PKHD1: variants seen among roughly 807,000 people sequenced by gnomAD.
The protein encoded by PKHD1 is PKHD1 ciliary IPT domain containing fibrocystin/polyductin, also known as fibrocystin.
Under a neutral mutation model 412.0 loss-of-function variants are expected in PKHD1, and 291 were observed. The observed-to-expected ratio is 0.71, with a 90% CI of 0.64 to 0.78. The LOEUF (loss-of-function observed/expected upper bound fraction) is 0.78. Among genes scored for constraint, PKHD1 ranks in the 30% least tolerant of loss-of-function variants. PKHD1 has a pLI of 0.00. For missense variants in PKHD1, 4,825 were observed against 4,950.7 expected (o/e 0.97, Z 0.76); for synonymous variants, 1,777 against 1,821.5 (o/e 0.98, Z 0.62).
chr6:51,741,253 A>G (rs1784514336), intron 60 of PKHD1: 6 of 514,418 alleles, frequency 1.2e-5, no homozygotes, highest in Admixed American at 2.0e-5. Flanking sequence ...TAGAGTTTCT[A>G]TTTGTAAGGG....
At chr6:52,035,478 T>G in intron 28 of PKHD1, 113 bp downstream of exon 28, 1 of 1,064,782 alleles carries the variant, frequency 9.4e-7, no homozygotes, top group Non-Finnish European at 1.5e-6. Context: ...CATACTATCA[T>G]AATGAGAAGT....
At chr6:51,853,104 G>A (rs1772608768) in intron 49 of PKHD1, among the ~76,000 whole-genome samples, 1 of 152,042 alleles carries the variant, frequency 6.6e-6, no homozygotes. Flanking sequence ...CAGGTCTGGT[G>A]GTAACGAAAT....
intron 22 of PKHD1, among the ~76,000 whole-genome samples, chr6:52,049,341 A>G (rs1806386518): frequency 6.6e-6 from 1 of 152,222 alleles, no homozygotes; most frequent in African/African-American, 2.4e-5. Flanking sequence ...CTACAGTAAA[A>G]ATATGGTAGT....
intron 50 of PKHD1, among the ~76,000 whole-genome samples, chr6:51,845,702 C>A (rs980348058): frequency 6.6e-6 from 1 of 152,174 alleles, no homozygotes; most frequent in Non-Finnish European, 1.5e-5. Flanking sequence ...ATTCACACAG[C>A]TACTTACACA....
rs199736501 is a variant in PKHD1 at position 52,058,332 on chromosome 6, T to C, written c.1503A>G (p.Pro501=). 13 of 1,614,172 alleles carry C rather than the reference T, an allele frequency of 8.1e-6. No homozygotes were observed. The highest frequency in any genetic ancestry group is 1.1e-5 in the Non-Finnish European group (13 of 1,180,008). The change falls in exon 16 of 67, where the codon CCA becomes CCG. Residue 501 remains proline, a synonymous_variant. Coordinates refer to ENST00000371117, the MANE Select transcript of PKHD1 (RefSeq NM_138694.4). ...HQIRVRAQRL[P]EVQVLNVSGR... is the part of the protein sequence containing the mutation. Reference sequence around the variant, plus strand: ...GGAAAGAGACACAGACCTGTACTTCTGGAAGCCTCTGGGCTCGGACTCGGA... The same window carrying C: ...GGAAAGAGACACAGACCTGTACTTCCGGAAGCCTCTGGGCTCGGACTCGGA...
chr6:51,713,061 A>T (rs529746168), intron 60 of PKHD1, among the ~76,000 whole-genome samples: 1 of 152,280 alleles, frequency 6.6e-6, no homozygotes, highest in South Asian at 2.1e-4. Context: ...ACACTTGATA[A>T]ATGTTAGCTA....
At chr6:52,080,975 C>T (rs1582146650) in intron 4 of PKHD1, among the ~76,000 whole-genome samples, 1 of 152,240 alleles carries the variant, frequency 6.6e-6, no homozygotes, top group South Asian at 2.1e-4. Flanking sequence ...GCTTTTGATG[C>T]TGCAATGGCT....
chr6:52,064,628 T>C (rs1035096470), intron 13 of PKHD1, among the ~76,000 whole-genome samples: 2 of 152,224 alleles, frequency 1.3e-5, no homozygotes, highest in South Asian at 2.1e-4. Flanking sequence ...AACTGACCCA[T>C]TGAATGAAGG....
At chr6:51,951,709 A>C (rs1171268886) in intron 36 of PKHD1, among the ~76,000 whole-genome samples, 1 of 152,132 alleles carries the variant, frequency 6.6e-6, no homozygotes, top group Non-Finnish European at 1.5e-5. Flanking sequence ...TCAGTCCCCA[A>C]CATATTTTTA....
At chr6:51,956,684 G>T (rs1289805993) in intron 36 of PKHD1, among the ~76,000 whole-genome samples, 1 of 151,986 alleles carries the variant, frequency 6.6e-6, no homozygotes, top group African/African-American at 2.4e-5. Flanking sequence ...CTGGGGGGTG[G>T]CTGTAATTTT....
Position 51,697,343 on chromosome 6 carries a change from A to G in PKHD1, c.10157-37374T>C, listed in dbSNP as rs185725579. ...TTTATTTGCAATTACTTTGATTACA[A>G]TAATTGCAATCAAATCTGATTGGAG... On this transcript the variant is annotated intron_variant, in intron 60 of 66. Transcript: ENST00000371117. Among the ~76,000 whole-genome samples the G allele has an allele frequency of 9.2e-5, 14 of 152,352 alleles. No homozygotes were observed. In the East Asian group the frequency reaches 2.7e-3, roughly 29 times the overall value.
At chr6:51,740,743 T>C (rs1173404613) in intron 60 of PKHD1, among the ~76,000 whole-genome samples, 2 of 152,182 alleles carry the variant, frequency 1.3e-5, no homozygotes, top group Admixed American at 1.3e-4. Context: ...GAAGAAGGGA[T>C]TTACTCATAC....
At chr6:51,999,910 C>G (rs111485109) in intron 35 of PKHD1, among the ~76,000 whole-genome samples, 1 of 152,134 alleles carries the variant, frequency 6.6e-6, no homozygotes, top group African/African-American at 2.4e-5. Context: ...CACTAACACA[C>G]CACACCACAT....
At chr6:51,666,005 G>A (rs1052689790) in intron 60 of PKHD1, among the ~76,000 whole-genome samples, 2 of 152,128 alleles carry the variant, frequency 1.3e-5, no homozygotes, top group Non-Finnish European at 2.9e-5. Context: ...TTATCAACAG[G>A]AAGTCAAGTA....
Position 51,766,537 on chromosome 6 carries a change from A to G in PKHD1, c.8642+6165T>C, listed in dbSNP as rs192302607. Among the ~76,000 whole-genome samples, 517 of 151,934 alleles carry G rather than the reference A, an allele frequency of 3.4e-3. 7 individuals are homozygous for G. Among genetic ancestry groups the G allele is most frequent in the Non-Finnish European group, 6.6e-4 (45 of 67,912 alleles). The stretch of plus-strand genomic sequence containing the variant: ...TCTAGTAAAGATGACCATTTTTTCT[A>G]TATGTTTATTAGCAAGATGTATTTT... On this transcript the variant is annotated intron_variant, in intron 55 of 66. Transcript: ENST00000371117.
intron 15 of PKHD1, among the ~76,000 whole-genome samples, chr6:52,059,329 C>T (rs1808324942): frequency 7.3e-6 from 1 of 137,672 alleles, no homozygotes; most frequent in Non-Finnish European, 1.5e-5. Flanking sequence ...GCAGTGGCAG[C>T]CACGACTGCC....
intron 50 of PKHD1, among the ~76,000 whole-genome samples, chr6:51,840,425 CT>C (rs1249909178): frequency 1.3e-5 from 2 of 152,174 alleles, no homozygotes; most frequent in Admixed American, 6.5e-5. Context: ...AGGAAAAGAA[CT>C]TGATCAAGAC....
rs926820049 is a variant in PKHD1, at chr6:51,744,265, C to T, written c.10156+120G>A. The T allele has an allele frequency of 3.4e-5, 30 of 876,624 alleles. 1 individual carries two copies. In the South Asian group the frequency reaches 3.8e-4, roughly 11 times the overall value. 54.3% of individuals were successfully genotyped at this position (876,624 alleles called of 1,614,324 possible). ...TGAATTGGCAGCAGATTAGCACAGACTCCAACTCTAGAATTTAGGTCTTCA... is the reference window on the plus strand; with the variant it reads ...TGAATTGGCAGCAGATTAGCACAGATTCCAACTCTAGAATTTAGGTCTTCA... On this transcript the variant is annotated intron_variant, in intron 60 of 66. Transcript: ENST00000371117.
intron 60 of PKHD1, among the ~76,000 whole-genome samples, chr6:51,683,526 T>C (rs1420777441): frequency 6.6e-6 from 1 of 152,014 alleles, no homozygotes; most frequent in African/African-American, 2.4e-5. Flanking sequence ...TTTTCAACCA[T>C]ATATAAGGTT....
Sources: allele counts gnomAD v4.1 joint callset (sites outside exome capture counted in the v4.1 genomes callset), GRCh38; gene constraint gnomAD v4.1.1; transcripts MANE v1.5; gene names NCBI Gene and HGNC (gene_info 2026-07-23, HGNC 2026-07-21).